Variants in PBX3 observed in about 807,000 individuals in gnomAD.
PBX3 encodes the protein pre-B-cell leukemia transcription factor 3.
A neutral mutation model predicts 48.5 loss-of-function variants in PBX3; 14 were observed. That is an observed-to-expected ratio of 0.29 (90% CI 0.19 to 0.45). The LOEUF (loss-of-function observed/expected upper bound fraction) is 0.45. Ranked by LOEUF, PBX3 falls within the 20% of genes least tolerant of loss-of-function variation. The pLI, the probability that PBX3 is intolerant of heterozygous loss-of-function variation, is 1.00. For missense variants in PBX3, 386 were observed against 546.7 expected (o/e 0.71, Z 2.93); for synonymous variants, 210 against 200.3 (o/e 1.05, Z -0.41).
intron 2 of PBX3, among the ~76,000 whole-genome samples, chr9:125,835,015 CAAAAAAAAAAAAAAAAAA>C (rs745638368): frequency 1.6e-4 from 4 of 25,170 alleles, no homozygotes; most frequent in Non-Finnish European, 2.9e-4. Flanking sequence ...AACTCTGTCT[CAAAAAAAAAAAAAAAAAA>C]AAAAAAAAAA....
In PBX3 at chr9:125,930,347, G is replaced by T. The variant is rs149253418; in HGVS notation, c.707+502G>T. Among the ~76,000 whole-genome samples, 879 of 152,250 alleles carry T rather than the reference G, an allele frequency of 5.8e-3. 7 individuals are homozygous for T. The highest frequency in any genetic ancestry group is 0.02 in the African/African-American group (832 of 41,556). On this transcript the variant is annotated intron_variant, in intron 4 of 8. Coordinates refer to ENST00000373489, the MANE Select transcript of PBX3 (RefSeq NM_006195.6). The stretch of plus-strand genomic sequence containing the variant: ...GAAAGCCTACCATTTTTCCTGTAAG[G>T]ATGAAAATTTCCCTTTATCTGAAGC...
At chr9:125,773,787 G>A (rs190319672) in intron 2 of PBX3, among the ~76,000 whole-genome samples, 8 of 151,860 alleles carry the variant, frequency 5.3e-5, no homozygotes, top group African/African-American at 1.7e-4. Context: ...GTGTGTGCCA[G>A]TTTATATTCA....
At chr9:125,902,692 G>A (rs1054548837) in intron 2 of PBX3, among the ~76,000 whole-genome samples, 2 of 151,542 alleles carry the variant, frequency 1.3e-5, no homozygotes, top group African/African-American at 2.4e-5. Context: ...AGTGCCAGGG[G>A]GTGCTGTGTG....
intron 4 of PBX3, among the ~76,000 whole-genome samples, chr9:125,934,865 A>T (rs1766275955): frequency 6.6e-6 from 1 of 152,166 alleles, no homozygotes; most frequent in African/African-American, 2.4e-5. Context: ...CAGTGCAATC[A>T]TCTCCTAAAA....
chr9:125,899,454 T>TAGAGAGAGAG (rs202004098), intron 2 of PBX3, among the ~76,000 whole-genome samples: 27 of 103,752 alleles, frequency 2.6e-4, no homozygotes, highest in South Asian at 9.0e-4. Flanking sequence ...TATATATATA[T>TAGAGAGAGAG]AGAGAGAGAG....
rs192498725 is a variant in PBX3 at position 125,784,286 on chromosome 9, C to G, written c.274+35663C>G. ...TGGGATTACAGGCGTATGGCACCAA[C>G]TCTGGCTAATTTTTGTATTTTTAGT... On this transcript the variant is annotated intron_variant, in intron 2 of 8. Coordinates refer to ENST00000373489, the MANE Select transcript of PBX3 (RefSeq NM_006195.6). Among the ~76,000 whole-genome samples, 19 of 152,186 alleles carry G rather than the reference C, an allele frequency of 1.2e-4. 1 individual carries two copies. In the East Asian group the frequency reaches 3.7e-3, roughly 30 times the overall value.
At chr9:125,922,321 T>G (rs1175627766) in intron 3 of PBX3, among the ~76,000 whole-genome samples, 1 of 152,214 alleles carries the variant, frequency 6.6e-6, no homozygotes, top group Non-Finnish European at 1.5e-5. Flanking sequence ...AAATCTTCCA[T>G]GCCTTATGTT....
At position 125,796,427 on chromosome 9, in the gene PBX3, A is replaced by G. The variant is rs150706290; in HGVS notation, c.274+47804A>G. 9.0e-3 allele frequency among the ~76,000 whole-genome samples: 1,374 copies of G among 152,246 alleles called. 28 individuals carry two copies. Among genetic ancestry groups the G allele is most frequent in the African/African-American group, 0.031 (1,288 of 41,536 alleles). On this transcript the variant is annotated intron_variant, in intron 2 of 8. Transcript: ENST00000373489. ...GAGAATCCATTTTCTCCACCAATTG[A>G]TGGGACAGATATGACAAGCCTTTAA...
intron 2 of PBX3, among the ~76,000 whole-genome samples, chr9:125,782,322 C>T (rs1455225462): frequency 6.6e-6 from 1 of 152,108 alleles, no homozygotes; most frequent in African/African-American, 2.4e-5. Flanking sequence ...ACCTGCCCCC[C>T]ATGATTCAAT....
rs1462496566 is a variant in PBX3, at chr9:125,962,105, CT to C, written c.1015del (p.Ser339LeufsTer14). ...TNSPTTPNSG[S>X]SGSFNLPNSG... ...TACTTAACTCTTTCCTTTCCAGGTT[CT>C]TCTGGTTCTTTTAACCTCCCAAATT... On this transcript the variant is annotated frameshift_variant, in exon 7 of 9. Transcript: ENST00000373489. LOFTEE classifies it high-confidence loss of function. 1 of 1,552,442 alleles carries C rather than the reference CT, an allele frequency of 6.4e-7. No individual in the cohort carries two copies. The highest frequency in any genetic ancestry group is 1.4e-5 in the African/African-American group (1 of 73,726).
chr9:125,793,364 A>ATATATATATATATATATATATATATAT (rs1263966407), intron 2 of PBX3, among the ~76,000 whole-genome samples: 11 of 59,084 alleles, frequency 1.9e-4, no homozygotes, highest in African/African-American at 4.9e-4. Context: ...GGGGAAAAAA[A>ATATATATATATATATATATATATATAT]AAATATATAT....
At chr9:125,867,881 G>GT (rs149053865) in intron 2 of PBX3, among the ~76,000 whole-genome samples, 51 of 150,484 alleles carry the variant, frequency 3.4e-4, no homozygotes, top group African/African-American at 8.1e-4. Flanking sequence ...CTTTTGTTTT[G>GT]TTTTTTTGTT....
chr9:125,966,686 C>T lies in PBX3; in HGVS notation c.*763C>T, dbSNP rs915822990. The T allele has an allele frequency of 6.6e-6, 1 of 152,660 alleles. No homozygotes were observed. The highest frequency in any genetic ancestry group is 2.4e-5 in the African/African-American group (1 of 41,440). The allele number at this position is 152,660 out of a possible 1,614,324, so 9.5% of individuals were successfully genotyped here. On this transcript the variant is annotated 3_prime_UTR_variant, in exon 9 of 9. Transcript: ENST00000373489. ...GTTTGCTACGTCCTCTGGGCATCTG[C>T]AAAAGGCCCTGCTCTCTGGAGTGTT...
At chr9:125,898,237 A>G (rs1840820126) in intron 2 of PBX3, among the ~76,000 whole-genome samples, 2 of 151,488 alleles carry the variant, frequency 1.3e-5, no homozygotes, top group South Asian at 2.1e-4. Flanking sequence ...CCATTTCTCA[A>G]CCTCTCCCGA....
At chr9:125,784,115 A>G (rs1179229820) in intron 2 of PBX3, among the ~76,000 whole-genome samples, 4 of 151,958 alleles carry the variant, frequency 2.6e-5, no homozygotes, top group Admixed American at 2.0e-4. Flanking sequence ...TTGTTTCTTG[A>G]TGGGTTTCAT....
chr9:125,806,801 A>G (rs1347424275), intron 2 of PBX3, among the ~76,000 whole-genome samples: 2 of 152,198 alleles, frequency 1.3e-5, no homozygotes, highest in African/African-American at 4.8e-5. Flanking sequence ...TGAAGTAAAG[A>G]TGTCAGGTTG....
chr9:125,837,163 C>T (rs937274470), intron 2 of PBX3, among the ~76,000 whole-genome samples: 1 of 152,052 alleles, frequency 6.6e-6, no homozygotes, highest in African/African-American at 2.4e-5. Flanking sequence ...TTATGTTACT[C>T]CTATTCAGTC....
intron 2 of PBX3, among the ~76,000 whole-genome samples, chr9:125,765,110 G>A (rs529817973): frequency 6.6e-6 from 1 of 151,954 alleles, no homozygotes; most frequent in African/African-American, 2.4e-5. Context: ...TCTTGTAAAT[G>A]GCATCGTTTA....
At chr9:125,763,285 G>A (rs1298884343) in intron 2 of PBX3, among the ~76,000 whole-genome samples, 1 of 152,134 alleles carries the variant, frequency 6.6e-6, no homozygotes, top group Non-Finnish European at 1.5e-5. Flanking sequence ...TGTAATAATA[G>A]CATTAATCTT....
Sources: gnomAD v4.1 joint callset for allele counts (sites outside exome capture counted in the v4.1 genomes callset) on GRCh38, gnomAD v4.1.1 for gene constraint, MANE v1.5 for transcripts, NCBI Gene and HGNC (gene_info 2026-07-23, HGNC 2026-07-21) for gene names.